Variants in CWC27 observed in about 807,000 individuals in gnomAD.
CWC27 encodes the protein spliceosome-associated protein CWC27 homolog.
CWC27 carries 47 observed loss-of-function variants against 63.6 expected under a neutral mutation model. The observed-to-expected ratio is 0.74, with a 90% CI of 0.58 to 0.94. The LOEUF (loss-of-function observed/expected upper bound fraction) is 0.94. CWC27 is among the 40% of genes least tolerant of loss of function. The pLI is 0.00. For synonymous variants in CWC27, 175 were observed against 179.8 expected, an observed-to-expected ratio of 0.97 and a Z score of 0.22; for missense variants, 495 against 554.3, an observed-to-expected ratio of 0.89 and a Z score of 1.07.
intron 10 of CWC27, among the ~76,000 whole-genome samples, chr5:64,815,824 G>GA (rs1248175313): frequency 6.6e-6 from 1 of 152,134 alleles, no homozygotes; most frequent in African/African-American, 2.4e-5. Flanking sequence ...TAATTTCACA[G>GA]ATGAATAACA....
chr5:64,914,853 A>G (rs1747860460), intron 11 of CWC27, among the ~76,000 whole-genome samples: 1 of 152,206 alleles, frequency 6.6e-6, no homozygotes, highest in African/African-American at 2.4e-5. Context: ...ACAAATATCT[A>G]TCATCAACAG....
At chr5:64,972,098 A>AT (rs1749137776) in intron 12 of CWC27, among the ~76,000 whole-genome samples, 1 of 152,150 alleles carries the variant, frequency 6.6e-6, no homozygotes, top group Admixed American at 6.5e-5. Context: ...TCAGAAACCC[A>AT]GGTGGAACCT....
chr5:64,830,908 G>C (rs1195120216), intron 10 of CWC27, among the ~76,000 whole-genome samples: 2 of 151,978 alleles, frequency 1.3e-5, no homozygotes, highest in Non-Finnish European at 1.5e-5. Flanking sequence ...TGGACATTTG[G>C]GTTGGTTCTA....
intron 7 of CWC27, among the ~76,000 whole-genome samples, chr5:64,797,871 A>C (rs776060883): frequency 6.6e-6 from 1 of 152,206 alleles, no homozygotes; most frequent in Non-Finnish European, 1.5e-5. Flanking sequence ...CCAAGAGCTT[A>C]CTTAGAGATC....
intron 10 of CWC27, among the ~76,000 whole-genome samples, chr5:64,847,467 A>C (rs1274766062): frequency 6.6e-6 from 1 of 152,216 alleles, no homozygotes; most frequent in Non-Finnish European, 1.5e-5. Flanking sequence ...ACTTTCAAAA[A>C]TGGACAGATT....
chr5:64,992,633 G>A (rs1001397535), intron 13 of CWC27, among the ~76,000 whole-genome samples: 2 of 151,112 alleles, frequency 1.3e-5, no homozygotes, highest in Non-Finnish European at 2.9e-5. Flanking sequence ...CTGGGTTCAC[G>A]CCATTCTTCT....
At chr5:64,900,846 G>T (rs761114770) in intron 11 of CWC27, among the ~76,000 whole-genome samples, 1 of 152,120 alleles carries the variant, frequency 6.6e-6, no homozygotes, top group African/African-American at 2.4e-5. Flanking sequence ...CTCAAAACTA[G>T]ATAGTATAGT....
chr5:64,860,963 T>C (rs1746397900), intron 10 of CWC27, among the ~76,000 whole-genome samples: 1 of 152,168 alleles, frequency 6.6e-6, no homozygotes, highest in Non-Finnish European at 1.5e-5. Flanking sequence ...GTCAGAGATT[T>C]GGATAAGGTA....
intron 10 of CWC27, among the ~76,000 whole-genome samples, chr5:64,860,695 G>A (rs967670891): frequency 6.6e-6 from 1 of 152,024 alleles, no homozygotes; most frequent in African/African-American, 2.4e-5. Context: ...ATATAACTGT[G>A]TTTTAAAGTT....
intron 13 of CWC27, among the ~76,000 whole-genome samples, chr5:65,012,662 T>C (rs1749983640): frequency 6.6e-6 from 1 of 152,176 alleles, no homozygotes; most frequent in Non-Finnish European, 1.5e-5. Flanking sequence ...TCAAATCACA[T>C]ATATCAGAAA....
intron 10 of CWC27, among the ~76,000 whole-genome samples, chr5:64,821,643 C>G (rs978921371): frequency 6.6e-6 from 1 of 152,088 alleles, no homozygotes; most frequent in South Asian, 2.1e-4. Flanking sequence ...TGCAGAAAAT[C>G]CTGAAGCTGC....
intron 7 of CWC27, among the ~76,000 whole-genome samples, chr5:64,791,809 C>G (rs1744088809): frequency 6.6e-6 from 1 of 152,034 alleles, no homozygotes; most frequent in Non-Finnish European, 1.5e-5. Context: ...TTTGTATTCC[C>G]TAGTGTCAAT....
At chr5:64,859,244 T>C (rs1746339184) in intron 10 of CWC27, among the ~76,000 whole-genome samples, 1 of 151,968 alleles carries the variant, frequency 6.6e-6, no homozygotes, top group Non-Finnish European at 1.5e-5. Context: ...AGAACAGTGG[T>C]TGTGGGAGGG....
intron 10 of CWC27, among the ~76,000 whole-genome samples, chr5:64,823,786 G>A (rs939685720): frequency 1.3e-5 from 2 of 152,112 alleles, no homozygotes; most frequent in African/African-American, 4.8e-5. Flanking sequence ...CCAACCAGCC[G>A]GAACTCAAAC....
rs1462204984 is a variant in CWC27, at chr5:64,977,136, C to A, written c.1154C>A (p.Thr385Asn). 1.3e-6 allele frequency: 2 copies of A among 1,595,894 alleles called. No homozygotes were observed. Among genetic ancestry groups the A allele is most frequent in the Non-Finnish European group, 1.7e-6 (2 of 1,167,786 alleles). ...TTAGCAGTCTAATTGTTATTTCAGA[C>A]CCTTGCACTGCTGAACCAGTTTAAA... is the stretch of plus-strand genomic sequence containing the variant. ...SKKGTSREDQ[T>N]LALLNQFKSK... The change falls in exon 13 of 14, where the codon ACC (threonine) becomes AAC (asparagine). Residue 385 changes from threonine to asparagine, a missense_variant and splice_region_variant. Physicochemically the swap from Thr to Asn is moderately conservative, Grantham distance 65. This residue lies in a region of CWC27 where 463 missense variants were observed against 498.1 expected (regional missense o/e 0.93). Transcript: ENST00000381070.
At chr5:64,890,745 G>T (rs1259038245) in intron 11 of CWC27, among the ~76,000 whole-genome samples, 1 of 151,946 alleles carries the variant, frequency 6.6e-6, no homozygotes, top group Non-Finnish European at 1.5e-5. Flanking sequence ...TTGATTATCT[G>T]GTTTTCTAAG....
intron 1 of CWC27, 92 bp downstream of exon 1, chr5:64,769,280 G>T (rs564032231): frequency 5.2e-5 from 57 of 1,106,724 alleles, no homozygotes; most frequent in Non-Finnish European, 6.9e-5. Context: ...AGGATCTCGT[G>T]GTAGGAAGAG....
intron 10 of CWC27, among the ~76,000 whole-genome samples, chr5:64,841,405 A>G (rs998525610): frequency 6.6e-6 from 1 of 152,196 alleles, no homozygotes; most frequent in Non-Finnish European, 1.5e-5. Context: ...TACCATCACA[A>G]TGGCACTTGA....
intron 4 of CWC27, 22 bp from the exon 5 acceptor site, chr5:64,785,454 AATTAC>A (rs769074797): frequency 8.9e-7 from 1 of 1,126,668 alleles, no homozygotes; most frequent in Non-Finnish European, 1.2e-6. Context: ...AATAATTTTC[AATTAC>A]ATTATATTTT....
Sources: allele counts gnomAD v4.1 joint callset (sites outside exome capture counted in the v4.1 genomes callset), GRCh38; gene constraint gnomAD v4.1.1; regional missense constraint gnomAD v4.1.1; transcripts MANE v1.5; gene names NCBI Gene and HGNC (gene_info 2026-07-23, HGNC 2026-07-21).